The following HHATL variants were observed in gnomAD, a reference collection of about 807,000 sequenced individuals.
HHATL encodes protein-cysteine N-palmitoyltransferase HHAT-like protein.
Under a neutral mutation model 59.7 loss-of-function variants are expected in HHATL, and 49 were observed. The observed-to-expected ratio is 0.82, with a 90% CI of 0.65 to 1.04. The LOEUF (loss-of-function observed/expected upper bound fraction) is 1.04, where lower values mean the gene tolerates loss of function less well. Ranked by LOEUF, HHATL falls within the 50% of genes least tolerant of loss-of-function variation. HHATL has a pLI of 0.00. For missense variants in HHATL, 605 were observed against 650.8 expected (o/e 0.93, Z 0.77); for synonymous variants, 238 against 257.3 (o/e 0.93, Z 0.72).
intron 2 of HHATL, among the ~76,000 whole-genome samples, chr3:42,700,250 CTG>C (rs1314727250): frequency 1.6e-5 from 2 of 124,986 alleles, no homozygotes; most frequent in Non-Finnish European, 3.3e-5. Flanking sequence ...AGGTCTCTCT[CTG>C]TGTGTGTGTG....
In HHATL at chr3:42,697,134, A is replaced by G. The variant is rs747026863; in HGVS notation, c.877T>C (p.Tyr293His). ...LPDSALAGLA[Y>H]SNLVYDWVKA... Reference sequence around the variant, plus strand: ...ACCCAGTCATACACCAGGTTTGAATAGGCTAGGCCAGCTGGGGGCAGGGCA... The same window carrying G: ...ACCCAGTCATACACCAGGTTTGAATGGGCTAGGCCAGCTGGGGGCAGGGCA... The change falls in exon 8 of 12, where the codon TAT (tyrosine) becomes CAT (histidine). Residue 293 changes from tyrosine to histidine, a missense_variant. Physicochemically the swap from Tyr to His is moderately conservative, Grantham distance 83. Coordinates refer to ENST00000441594, the MANE Select transcript of HHATL (RefSeq NM_020707.4). 5 of 1,527,838 alleles carry G rather than the reference A, an allele frequency of 3.3e-6. No homozygotes were observed. Among genetic ancestry groups the G allele is most frequent in the Non-Finnish European group, 4.4e-6 (5 of 1,136,678 alleles). The allele number at this position is 1,527,838 out of a possible 1,614,324, so 94.6% of individuals were successfully genotyped here.
chr3:42,696,887 G>A lies in HHATL; in HGVS notation c.1011-10C>T, dbSNP rs1473114034. On this transcript the variant is annotated splice_polypyrimidine_tract_variant and intron_variant, in intron 8 of 11. Transcript: ENST00000441594. ...GCCACGGTCAAAGTGCCTGTAAGAGGAAAGCAGATGGGCATGTTGCCATCA... is the reference window on the plus strand; with the variant it reads ...GCCACGGTCAAAGTGCCTGTAAGAGAAAAGCAGATGGGCATGTTGCCATCA... 4.3e-6 allele frequency: 7 copies of A among 1,614,186 alleles called. No individual in the cohort carries two copies. Among genetic ancestry groups the A allele is most frequent in the Non-Finnish European group, 5.1e-6 (6 of 1,180,020 alleles).
intron 7 of HHATL, 118 bp downstream of exon 7, chr3:42,697,390 G>T: frequency 8.3e-7 from 1 of 1,210,540 alleles, no homozygotes; most frequent in South Asian, 1.5e-5. Context: ...CTGCTCCCAC[G>T]CCCTCAGGTG....
Position 42,699,082 on chromosome 3 carries a change from G to A in HHATL, c.238C>T (p.Leu80Phe). ...TTAGCAAACAGCACATGTCCGGAGA[G>A]GGCAAAGATGATGACGTTGCGAAAG... The part of the protein sequence containing the change: ...TSFRNVIIFA[L>F]SGHVLFAKLC... Residue 80 changes from leucine to phenylalanine, a missense_variant, in exon 4 of 12, where the codon CTC becomes TTC. Coordinates refer to ENST00000441594, the MANE Select transcript of HHATL (RefSeq NM_020707.4). 3.1e-6 allele frequency: 5 copies of A among 1,614,112 alleles called. No individual in the cohort carries two copies. The highest frequency in any genetic ancestry group is 4.2e-6 in the Non-Finnish European group (5 of 1,180,018).
chr3:42,695,170 T>C (rs949320469), intron 9 of HHATL, among the ~76,000 whole-genome samples: 4 of 152,162 alleles, frequency 2.6e-5, no homozygotes, highest in African/African-American at 9.7e-5. Context: ...CCCAACTTTG[T>C]CACCACTTGA....
Position 42,698,181 on chromosome 3 carries a change from G to T in HHATL, c.654C>A (p.Phe218Leu), listed in dbSNP as rs1351414530. The T allele has an allele frequency of 2.5e-6, 4 of 1,614,188 alleles. 1 individual carries two copies. Among genetic ancestry groups the T allele is most frequent in the South Asian group, 2.2e-5 (2 of 91,088 alleles). ...GATCAAAGGTCATGATGGGCCCGAA[G>T]AAGAAGAAGGGCAGGTAGAAGTTGT... ...LKYNFYLPFFFFGPIMTFDRF... is the reference protein window; with the variant it reads ...LKYNFYLPFFLFGPIMTFDRF... The change falls in exon 6 of 12, where the codon TTC (phenylalanine) becomes TTA (leucine). Residue 218 changes from phenylalanine (F) to leucine (L), a missense_variant. Coordinates refer to ENST00000441594, the MANE Select transcript of HHATL (RefSeq NM_020707.4).
At chr3:42,694,359 A>G (rs1327969226) in intron 9 of HHATL, among the ~76,000 whole-genome samples, 1 of 152,024 alleles carries the variant, frequency 6.6e-6, no homozygotes, top group African/African-American at 2.4e-5. Context: ...CTCTACCACC[A>G]CCACCCTAGT....
chr3:42,698,872 C>A lies in HHATL; in HGVS notation c.319G>T (p.Ala107Ser). 6.2e-7 allele frequency: 1 copy of A among 1,610,574 alleles called. No individual in the cohort carries two copies. The highest frequency in any genetic ancestry group is 8.5e-7 in the Non-Finnish European group (1 of 1,178,362). Reference protein sequence around the residue: ...LRSWMYAVYGALAVMGTMGPW... With the variant: ...LRSWMYAVYGSLAVMGTMGPW... ...CCCATTGTGCCCATCACAGCCAAGG[C>A]CCCGTACACAGCATACATCCAGGAG... Residue 107 changes from alanine (A) to serine (S), a missense_variant, in exon 5 of 12, where the codon GCC becomes TCC. Physicochemically the swap from Ala to Ser is moderately conservative, Grantham distance 99 (BLOSUM62 1). Transcript: ENST00000441594.
rs888960842 is a variant in HHATL at position 42,702,373 on chromosome 3, C to T, written c.-14+206G>A. ...CAGTGAGGCCTCTGCAAGGAGCTGGCCCCCAGCCTGGGGCCTCTCCTGATA... is the reference window on the plus strand; with the variant it reads ...CAGTGAGGCCTCTGCAAGGAGCTGGTCCCCAGCCTGGGGCCTCTCCTGATA... On this transcript the variant is annotated intron_variant, in intron 1 of 11. Coordinates refer to ENST00000441594, the MANE Select transcript of HHATL (RefSeq NM_020707.4). Among the ~76,000 whole-genome samples the T allele has an allele frequency of 3.3e-5, 5 of 152,220 alleles. No individual in the cohort carries two copies. The South Asian group carries it at 8.3e-4, about 25-fold the overall frequency.
intron 2 of HHATL, 27 bp from the exon 3 acceptor site, chr3:42,699,852 G>A: frequency 4.5e-6 from 7 of 1,541,116 alleles, no homozygotes; most frequent in Non-Finnish European, 6.2e-6. Context: ...GCCTCAGGGA[G>A]AGGGGCCTTC....
chr3:42,697,442 G>C (rs897177703), intron 7 of HHATL, 66 bp downstream of exon 7: 9 of 1,527,004 alleles, frequency 5.9e-6, no homozygotes, highest in Non-Finnish European at 8.1e-6. Flanking sequence ...GTGGCACCGT[G>C]GGGGTGCAGA....
intron 5 of HHATL, 76 bp downstream of exon 5, chr3:42,698,632 G>A (rs1244657990): frequency 1.4e-6 from 2 of 1,462,716 alleles, no homozygotes; most frequent in Non-Finnish European, 9.2e-7. Flanking sequence ...GGGATACTTG[G>A]GGTGCAAGGA....
At position 42,698,204 on chromosome 3, in the gene HHATL, T is replaced by A; in HGVS notation, c.631A>T (p.Asn211Tyr). The A allele has an allele frequency of 2.5e-6, 4 of 1,614,122 alleles. No homozygotes were observed. The highest frequency in any genetic ancestry group is 3.4e-6 in the Non-Finnish European group (4 of 1,180,016). ...AAGAAGAAGAAGGGCAGGTAGAAGT[T>A]GTACTTGAGCAGGTCAGCTAAGGAG... The part of the protein sequence containing the change: ...HYSLADLLKY[N>Y]FYLPFFFFGP... The change falls in exon 6 of 12, where the codon AAC (asparagine) becomes TAC (tyrosine). Residue 211 changes from asparagine (N) to tyrosine (Y), a missense_variant. Physicochemically the swap from Asn to Tyr is moderately radical, Grantham distance 143. Coordinates refer to ENST00000441594, the MANE Select transcript of HHATL (RefSeq NM_020707.4).
Position 42,693,319 on chromosome 3 carries a change from G to A in HHATL, c.1249-101C>T, listed in dbSNP as rs879083361. On this transcript the variant is annotated intron_variant, in intron 10 of 11. Coordinates refer to ENST00000441594, the MANE Select transcript of HHATL (RefSeq NM_020707.4). ...CCCACCTGGCCAGTCAGGTCTTGGG[G>A]CTATGTCTGGGTCTCGGAGAGCCCC... 1.0e-5 allele frequency: 15 copies of A among 1,462,838 alleles called. No homozygotes were observed. In the South Asian group the frequency reaches 1.7e-4, roughly 17 times the overall value. 90.6% of individuals were successfully genotyped at this position (1,462,838 alleles called of 1,614,324 possible).
rs778780280 is a variant in HHATL at position 42,698,228 on chromosome 3, A to C, written c.607T>G (p.Ser203Ala). Reference sequence around the variant, plus strand: ...TTGTACTTGAGCAGGTCAGCTAAGGAGTAGTGGCGGTCAGGGTGGGCACAG... The same window carrying C: ...TTGTACTTGAGCAGGTCAGCTAAGGCGTAGTGGCGGTCAGGGTGGGCACAG... ...ESCAHPDRHY[S>A]LADLLKYNFY... is the part of the protein sequence containing the mutation. Residue 203 changes from serine to alanine, a missense_variant, in exon 6 of 12, where the codon TCC (serine) becomes GCC (alanine). Ser to Ala is a moderately conservative substitution (Grantham distance 99). Coordinates refer to ENST00000441594, the MANE Select transcript of HHATL (RefSeq NM_020707.4). 1.2e-5 allele frequency: 20 copies of C among 1,614,106 alleles called. No homozygotes were observed. Among genetic ancestry groups the C allele is most frequent in the Non-Finnish European group, 1.7e-5 (20 of 1,180,044 alleles).
chr3:42,699,996 G>C (rs1697865046), intron 2 of HHATL, among the ~76,000 whole-genome samples, 171 bp from the exon 3 acceptor site: 1 of 152,238 alleles, frequency 6.6e-6, no homozygotes, highest in Admixed American at 6.5e-5. Flanking sequence ...GTGTGTCTGG[G>C]TCCAGGACTC....
At chr3:42,693,335 G>A (rs567601087) in intron 10 of HHATL, 117 bp from the exon 11 acceptor site, 735 of 1,308,806 alleles carry the variant, frequency 5.6e-4, no homozygotes, top group Non-Finnish European at 7.0e-4. Flanking sequence ...TCTGGGTCTC[G>A]GAGAGCCCCA....
At chr3:42,700,050 GTGTT>G (rs1464917457) in intron 2 of HHATL, among the ~76,000 whole-genome samples, 1 of 151,608 alleles carries the variant, frequency 6.6e-6, no homozygotes, top group Non-Finnish European at 1.5e-5. Context: ...ATATGTCTGT[GTGTT>G]TGTGTGTGTG....
rs201052690 is a variant in HHATL at position 42,700,800 on chromosome 3, C to T, written c.27G>A (p.Ala9=). The T allele has an allele frequency of 2.7e-5, 44 of 1,613,878 alleles. No homozygotes were observed. The highest frequency in any genetic ancestry group is 1.7e-4 in the Middle Eastern group (1 of 6,056). The change falls in exon 2 of 12, where the codon GCG becomes GCA. Residue 9 remains alanine, a synonymous_variant. Coordinates refer to ENST00000441594, the MANE Select transcript of HHATL (RefSeq NM_020707.4). ...CCAGAGAGTAGAGGCCCAGCTCAGC[C>T]GCCGGCAATGCTGTCTTGATGCCCA... The part of the protein sequence containing the change: MGIKTALP[A]AELGLYSLVL...
Sources: gnomAD v4.1 joint callset for allele counts (sites outside exome capture counted in the v4.1 genomes callset) on GRCh38, gnomAD v4.1.1 for gene constraint, MANE v1.5 for transcripts, NCBI Gene and HGNC (gene_info 2026-07-23, HGNC 2026-07-21) for gene names.